The following RNF19A variants were observed in gnomAD, a reference collection of about 807,000 sequenced individuals.
The protein encoded by RNF19A is E3 ubiquitin-protein ligase RNF19A.
Under a neutral mutation model 75.7 loss-of-function variants are expected in RNF19A, and 32 were observed. That is an observed-to-expected ratio of 0.42 (90% CI 0.32 to 0.57). RNF19A has a LOEUF of 0.57. Among genes scored for constraint, RNF19A ranks in the 20% least tolerant of loss-of-function variants. RNF19A has a pLI of 0.10. For synonymous variants in RNF19A, 335 were observed against 345.2 expected (o/e 0.97, Z 0.33); for missense variants, 782 against 1,036.3 (o/e 0.75, Z 3.37).
intron 1 of RNF19A, among the ~76,000 whole-genome samples, chr8:100,315,605 G>A (rs1236682070): frequency 6.6e-6 from 1 of 152,146 alleles, no homozygotes; most frequent in Non-Finnish European, 1.5e-5. Flanking sequence ...AATTGATTCA[G>A]TTTCTTTCCC....
chr8:100,296,417 T>G (rs997302094), intron 1 of RNF19A, among the ~76,000 whole-genome samples: 1 of 152,244 alleles, frequency 6.6e-6, no homozygotes, highest in Non-Finnish European at 1.5e-5. Context: ...CGGGCATTAT[T>G]CTTACTGCCC....
rs112125704 is a variant in RNF19A, at chr8:100,267,494, C to T, written c.1191+1291G>A. ...AAGCAATCCTCCCACCTCAGCCTCCCAAGTAGCTGGGACTACAGGTGCATA... is the reference window on the plus strand; with the variant it reads ...AAGCAATCCTCCCACCTCAGCCTCCTAAGTAGCTGGGACTACAGGTGCATA... On this transcript the variant is annotated intron_variant, in intron 5 of 9. Transcript: ENST00000341084. 4.2e-3 allele frequency among the ~76,000 whole-genome samples: 642 copies of T among 152,144 alleles called. 4 individuals are homozygous for T. The highest frequency in any genetic ancestry group is 0.015 in the African/African-American group (609 of 41,498).
At chr8:100,292,438 GTGTGTGT>G (rs1563856921) in intron 1 of RNF19A, among the ~76,000 whole-genome samples, 89 of 143,262 alleles carry the variant, frequency 6.2e-4, no homozygotes, top group African/African-American at 2.2e-3. Flanking sequence ...TCATATGGGT[GTGTGTGT>G]GTGTGTGTGT....
At chr8:100,266,866 G>A (rs1820006164) in intron 5 of RNF19A, among the ~76,000 whole-genome samples, 1 of 152,088 alleles carries the variant, frequency 6.6e-6, no homozygotes, top group Admixed American at 6.6e-5. Flanking sequence ...AAATAAATAT[G>A]TGACTTATAA....
intron 1 of RNF19A, among the ~76,000 whole-genome samples, chr8:100,319,161 A>T (rs1822427639): frequency 6.6e-6 from 1 of 152,240 alleles, no homozygotes; most frequent in Non-Finnish European, 1.5e-5. Context: ...TGGATGGTTT[A>T]CTAAGTTATT....
At chr8:100,311,485 G>A (rs528457809), upstream of RNF19A, among the ~76,000 whole-genome samples, 22 of 152,178 alleles carry the variant, frequency 1.4e-4, no homozygotes, top group Non-Finnish European at 1.9e-4. Context: ...TTGGGAGGCC[G>A]AGGCGGGCGG....
At chr8:100,301,157 C>A (rs1216200433) in intron 1 of RNF19A, among the ~76,000 whole-genome samples, 1 of 152,238 alleles carries the variant, frequency 6.6e-6, no homozygotes. Context: ...AAATGCTCTA[C>A]AACCATAGGT....
intron 1 of RNF19A, among the ~76,000 whole-genome samples, chr8:100,292,435 G>GGTGTGTGTGTGTGTGTGT (rs1554671903): frequency 6.9e-6 from 1 of 145,332 alleles, no homozygotes; most frequent in African/African-American, 2.5e-5. Flanking sequence ...CTATCATATG[G>GGTGTGTGTGTGTGTGTGT]GTGTGTGTGT....
At chr8:100,276,660 C>G (rs1308643081) in intron 2 of RNF19A, among the ~76,000 whole-genome samples, 1 of 143,700 alleles carries the variant, frequency 7.0e-6, no homozygotes, top group Non-Finnish European at 1.5e-5. Context: ...GTGGCTGAGG[C>G]AGAACTGCTT....
chr8:100,320,633 A>T (rs898349444), intron 1 of RNF19A, among the ~76,000 whole-genome samples: 1 of 152,246 alleles, frequency 6.6e-6, no homozygotes, highest in East Asian at 1.9e-4. Flanking sequence ...CCCATACATC[A>T]AGGTCCTTTA....
At chr8:100,292,471 C>CGTGTGTGT (rs1821353529) in intron 1 of RNF19A, among the ~76,000 whole-genome samples, 1 of 114,234 alleles carries the variant, frequency 8.8e-6, no homozygotes, top group African/African-American at 4.2e-5. Context: ...TGTGTGTGTA[C>CGTGTGTGT]GTATAAATTG....
In RNF19A at chr8:100,257,914, T is replaced by C. The variant is rs963233148; in HGVS notation, c.*642A>G. The stretch of plus-strand genomic sequence containing the variant: ...TTACATTTTTTCCTCTAAGATGGCA[T>C]CAACAATAAACAAGATAGAGTACCA... On this transcript the variant is annotated 3_prime_UTR_variant, in exon 10 of 10. Transcript: ENST00000341084. The C allele has an allele frequency of 2.3e-5, 9 of 398,182 alleles. No homozygotes were observed. The highest frequency in any genetic ancestry group is 1.2e-4 in the African/African-American group (6 of 48,574). The allele number at this position is 398,182 out of a possible 1,614,324, so 24.7% of individuals were successfully genotyped here.
chr8:100,264,709 GACA>G lies in RNF19A; in HGVS notation c.1265_1267del (p.Leu422del), dbSNP rs1438101700. The stretch of plus-strand genomic sequence containing the variant: ...AGCTACTACTGGAGACACGATTACA[GACA>G]ACGTTACACCACCTGCTATGGCCAA... On this transcript the variant is annotated inframe_deletion, in exon 6 of 10. Transcript: ENST00000341084. This position sits in a 1 kb window ranked among gnomAD's most constrained non-coding sequence, Gnocchi z 4.7. 1 of 1,613,528 alleles carries G rather than the reference GACA, an allele frequency of 6.2e-7. No homozygotes were observed. Among genetic ancestry groups the G allele is most frequent in the Non-Finnish European group, 8.5e-7 (1 of 1,179,586 alleles).
chr8:100,319,333 C>T (rs1455422615), intron 1 of RNF19A, among the ~76,000 whole-genome samples: 1 of 151,544 alleles, frequency 6.6e-6, no homozygotes, highest in African/African-American at 2.4e-5. Flanking sequence ...CAAAAGCTTT[C>T]AGAAAATAAG....
chr8:100,271,618 CAGCCTTTTA>C (rs1383729859), intron 3 of RNF19A, among the ~76,000 whole-genome samples: 2 of 152,140 alleles, frequency 1.3e-5, no homozygotes, highest in South Asian at 2.1e-4. Flanking sequence ...AAACACAAAA[CAGCCTTTTA>C]ATATGCTAAA....
chr8:100,283,725 A>G (rs1166177363), intron 2 of RNF19A, among the ~76,000 whole-genome samples: 1 of 152,246 alleles, frequency 6.6e-6, no homozygotes, highest in Non-Finnish European at 1.5e-5. Flanking sequence ...GAAAATGTTC[A>G]TACCTATAAA....
Position 100,324,659 on chromosome 8 carries a change from A to G in RNF19A, c.-242-11287T>C, listed in dbSNP as rs976191758. On this transcript the variant is annotated intron_variant, in intron 1 of 3. Coordinates refer to the RNF19A transcript ENST00000519527. The surrounding 1 kb of genome is among the most constrained non-coding windows in gnomAD (Gnocchi z 4.2). ...ATTTTTCACAAACGAAGAATTTCCA[A>G]CCTGAGAAACCTAAATATGAATCTA... is the stretch of plus-strand genomic sequence containing the variant. 2.2e-4 allele frequency among the ~76,000 whole-genome samples: 34 copies of G among 152,308 alleles called. No homozygotes were observed. The highest frequency in any genetic ancestry group is 8.2e-4 in the African/African-American group (34 of 41,560).
chr8:100,265,836 A>G (rs931458137), intron 5 of RNF19A, among the ~76,000 whole-genome samples: 2 of 152,108 alleles, frequency 1.3e-5, no homozygotes, highest in Non-Finnish European at 2.9e-5. Context: ...CATTGACTAG[A>G]GGTTCCTTGT....
rs1027727650 is a variant in RNF19A at position 100,261,890 on chromosome 8, G to A, written c.1469-135C>T. 9 of 891,062 alleles carry A rather than the reference G, an allele frequency of 1.0e-5. No individual in the cohort carries two copies. The highest frequency in any genetic ancestry group is 3.4e-5 in the African/African-American group (2 of 59,428). 55.2% of individuals were successfully genotyped at this position (891,062 alleles called of 1,614,324 possible). Reference sequence around the variant, plus strand: ...CAGACATGGAAAAATATTTTTTTCAGGCTAGTCCACTAGAAGCAGTGGGAA... The same window carrying A: ...CAGACATGGAAAAATATTTTTTTCAAGCTAGTCCACTAGAAGCAGTGGGAA... On this transcript the variant is annotated intron_variant, in intron 7 of 9. Coordinates refer to ENST00000341084, the MANE Select transcript of RNF19A (RefSeq NM_183419.4). The surrounding 1 kb of genome is among the most constrained non-coding windows in gnomAD (Gnocchi z 4.4).
Sources: gnomAD v4.1 joint callset for allele counts (sites outside exome capture counted in the v4.1 genomes callset) on GRCh38, gnomAD v4.1.1 for gene constraint, Gnocchi (gnomAD v3.1) non-coding constraint, MANE v1.5 for transcripts, NCBI Gene and HGNC (gene_info 2026-07-23, HGNC 2026-07-21) for gene names.